Variants in ZSCAN21 observed in about 807,000 individuals in gnomAD.
ZSCAN21 encodes zinc finger and SCAN domain containing 21.
In ZSCAN21, 26 loss-of-function variants were observed where a neutral mutation model predicts 35.6. The observed-to-expected ratio is 0.73, with a 90% confidence interval of 0.54 to 1.01. The LOEUF (loss-of-function observed/expected upper bound fraction) is 1.01. Ranked by LOEUF, ZSCAN21 falls within the 50% of genes least tolerant of loss-of-function variation. The pLI is 0.00. For synonymous variants in ZSCAN21, 219 were observed against 219.3 expected, an observed-to-expected ratio of 1.00 and a Z score of 0.01; for missense variants, 593 against 587.1, an observed-to-expected ratio of 1.01 and a Z score of -0.10.
chr7:100,058,657 A>G (rs1792169328), intron 3 of ZSCAN21, among the ~76,000 whole-genome samples: 1 of 152,234 alleles, frequency 6.6e-6, no homozygotes, highest in African/African-American at 2.4e-5. Context: ...ATCTCCATAT[A>G]TTATGGTTTA....
intron 3 of ZSCAN21, among the ~76,000 whole-genome samples, chr7:100,063,243 T>C (rs1792425602): frequency 6.6e-6 from 1 of 152,188 alleles, no homozygotes; most frequent in South Asian, 2.1e-4. Context: ...GCTGTTTTTC[T>C]GGCAGAAAAA....
intron 3 of ZSCAN21, among the ~76,000 whole-genome samples, chr7:100,060,264 G>A (rs957964650): frequency 6.6e-6 from 1 of 152,140 alleles, no homozygotes; most frequent in African/African-American, 2.4e-5. Context: ...TTCCAGAGGA[G>A]GCGGAAAGAG....
intron 3 of ZSCAN21, among the ~76,000 whole-genome samples, chr7:100,061,254 G>A (rs1792279556): frequency 6.6e-6 from 1 of 152,186 alleles, no homozygotes; most frequent in Non-Finnish European, 1.5e-5. Context: ...GGGCATGGTG[G>A]CTCACACCTG....
chr7:100,064,478 G>A lies in ZSCAN21; in HGVS notation c.1283G>A (p.Ser428Asn). Residue 428 changes from serine (S) to asparagine (N), a missense_variant, in exon 4 of 4, where the codon AGC (serine) becomes AAC (asparagine). Ser to Asn is a conservative substitution (Grantham distance 46). Transcript: ENST00000292450. The stretch of plus-strand genomic sequence containing the variant: ...GAGTGTGGGAAAGCCTTCAACCACA[G>A]CTCCAACTTCAATAAACACCACAGA... ...CKECGKAFNHSSNFNKHHRIH... is the reference protein window; with the variant it reads ...CKECGKAFNHNSNFNKHHRIH... 6.2e-7 allele frequency: 1 copy of A among 1,613,800 alleles called. No individual in the cohort carries two copies. The highest frequency in any genetic ancestry group is 1.1e-5 in the South Asian group (1 of 91,066).
chr7:100,057,522 C>T (rs1792122166), intron 2 of ZSCAN21, 117 bp downstream of exon 2: 3 of 1,404,280 alleles, frequency 2.1e-6, no homozygotes, highest in South Asian at 1.5e-5. Flanking sequence ...TGAATTAGAC[C>T]TTGTTTCCTC....
chr7:100,061,382 T>C (rs1309103499), intron 3 of ZSCAN21, among the ~76,000 whole-genome samples: 1 of 151,272 alleles, frequency 6.6e-6, no homozygotes, highest in Non-Finnish European at 1.5e-5. Flanking sequence ...ATTAGCCAGG[T>C]GTGGTGGCTA....
At chr7:100,053,990 T>C (rs1436565046) in intron 1 of ZSCAN21, among the ~76,000 whole-genome samples, 1 of 151,884 alleles carries the variant, frequency 6.6e-6, no homozygotes, top group Non-Finnish European at 1.5e-5. Context: ...TTACGGCCGT[T>C]AGCCACCACG....
chr7:100,054,777 T>G (rs1203420805), intron 1 of ZSCAN21, among the ~76,000 whole-genome samples: 2 of 136,022 alleles, frequency 1.5e-5, no homozygotes, highest in Admixed American at 1.7e-4. Context: ...AGGCGGAGGT[T>G]GCAGTGAGCC....
rs762951123 is a variant in ZSCAN21, at chr7:100,064,033, G to A, written c.838G>A (p.Ala280Thr). ...CCCAGGAGAGAGACGTTATATATGT[G>A]CTGAATGTGGCAAAGCCTTTAGTAA... ...PTPGERRYIC[A>T]ECGKAFSNSS... Residue 280 changes from alanine to threonine, a missense_variant, in exon 4 of 4, where the codon GCT becomes ACT. Physicochemically the swap from Ala to Thr is moderately conservative, Grantham distance 58. Transcript: ENST00000292450. 1 of 1,614,152 alleles carries A rather than the reference G, an allele frequency of 6.2e-7. No homozygotes were observed. The highest frequency in any genetic ancestry group is 1.1e-5 in the South Asian group (1 of 91,082).
intron 3 of ZSCAN21, among the ~76,000 whole-genome samples, chr7:100,058,627 G>A (rs1184406578): frequency 2.0e-5 from 3 of 152,236 alleles, no homozygotes; most frequent in African/African-American, 7.2e-5. Flanking sequence ...GCTGTATTAG[G>A]TGACTACTCC....
intron 3 of ZSCAN21, among the ~76,000 whole-genome samples, chr7:100,059,800 T>A (rs1792218107): frequency 6.6e-6 from 1 of 151,644 alleles, no homozygotes. Flanking sequence ...ACCTCCGCAT[T>A]CCAGTTTCAA....
At chr7:100,052,017 C>T (rs538063525) in intron 1 of ZSCAN21, among the ~76,000 whole-genome samples, 1 of 152,132 alleles carries the variant, frequency 6.6e-6, no homozygotes, top group African/African-American at 2.4e-5. Flanking sequence ...CAGCCCGGAA[C>T]TCCTGAGCTC....
chr7:100,060,772 A>T (rs1042293797), intron 3 of ZSCAN21, among the ~76,000 whole-genome samples: 1 of 148,988 alleles, frequency 6.7e-6, no homozygotes, highest in Non-Finnish European at 1.5e-5. Flanking sequence ...AGGCAGGGGA[A>T]TCGCTTGAAC....
At chr7:100,054,885 A>C (rs1792019393) in intron 1 of ZSCAN21, among the ~76,000 whole-genome samples, 1 of 151,288 alleles carries the variant, frequency 6.6e-6, no homozygotes, top group African/African-American at 2.4e-5. Flanking sequence ...TAATTTCATA[A>C]CTATGAACCG....
In ZSCAN21 at chr7:100,049,844, G is replaced by A. The variant is rs1407346906; in HGVS notation, c.-97+3G>A. The A allele has an allele frequency of 6.6e-6, 1 of 152,384 alleles. No individual in the cohort carries two copies. Among genetic ancestry groups the A allele is most frequent in the Non-Finnish European group, 1.5e-5 (1 of 68,142 alleles). The allele number at this position is 152,384 out of a possible 1,614,324, so 9.4% of individuals were successfully genotyped here. ...ACCCGGAGCGGCTCTGATTCATGGT[G>A]AGCCTGCTGGTCGCGGGTTAGCGAG... On this transcript the variant is annotated splice_donor_region_variant and intron_variant, in intron 1 of 3. Transcript: ENST00000292450.
chr7:100,063,373 G>A (rs1056086107), intron 3 of ZSCAN21, among the ~76,000 whole-genome samples: 36 of 152,100 alleles, frequency 2.4e-4, no homozygotes, highest in African/African-American at 7.5e-4. Context: ...TGAGGCAGGC[G>A]GATCACCTGA....
chr7:100,064,687 A>G lies in ZSCAN21; in HGVS notation c.*70A>G, dbSNP rs771767999. 4.4e-6 allele frequency: 7 copies of G among 1,604,930 alleles called. No homozygotes were observed. Among genetic ancestry groups the G allele is most frequent in the African/African-American group, 1.3e-5 (1 of 74,524 alleles). On this transcript the variant is annotated 3_prime_UTR_variant, in exon 4 of 4. Coordinates refer to ENST00000292450, the MANE Select transcript of ZSCAN21 (RefSeq NM_145914.3). ...CTGAAAACCAGAAAGAAGTCTTGTCATTGCAGCAGCATCGATTCCGGTGAT... is the reference window on the plus strand; with the variant it reads ...CTGAAAACCAGAAAGAAGTCTTGTCGTTGCAGCAGCATCGATTCCGGTGAT...
chr7:100,058,901 C>T (rs1178376896), intron 3 of ZSCAN21, among the ~76,000 whole-genome samples: 1 of 152,170 alleles, frequency 6.6e-6, no homozygotes, highest in African/African-American at 2.4e-5. Context: ...CACTATGTTG[C>T]CCAAGCTGGC....
At chr7:100,052,302 G>A (rs780750772) in intron 1 of ZSCAN21, among the ~76,000 whole-genome samples, 8 of 151,982 alleles carry the variant, frequency 5.3e-5, no homozygotes, top group Admixed American at 1.3e-4. Flanking sequence ...AGTGGTTCAC[G>A]CCTGTAACCC....
Sources: allele counts gnomAD v4.1 joint callset (sites outside exome capture counted in the v4.1 genomes callset), GRCh38; gene constraint gnomAD v4.1.1; transcripts MANE v1.5; gene names NCBI Gene and HGNC (gene_info 2026-07-23, HGNC 2026-07-21).